The following PEX7 variants were observed in gnomAD, a reference collection of about 807,000 sequenced individuals.
PEX7 encodes PTS2 receptor.
In PEX7, 34 loss-of-function variants were observed where a neutral mutation model predicts 47.5. The observed-to-expected ratio is 0.72, with a 90% CI of 0.54 to 0.95. PEX7 has a LOEUF of 0.95. Among genes scored for constraint, PEX7 ranks in the 40% least tolerant of loss-of-function variants. The pLI is 0.00. For synonymous variants in PEX7, 141 were observed against 148.8 expected, an observed-to-expected ratio of 0.95 and a Z score of 0.38; for missense variants, 394 against 400.3, an observed-to-expected ratio of 0.98 and a Z score of 0.13.
At chr6:136,905,674 G>A (rs917833569) in intron 9 of PEX7, among the ~76,000 whole-genome samples, 2 of 152,000 alleles carry the variant, frequency 1.3e-5, no homozygotes, top group Non-Finnish European at 2.9e-5. Flanking sequence ...CCCTCCAAAA[G>A]TAGATGTTCT....
chr6:136,848,494 A>G (rs1026406202), intron 5 of PEX7, among the ~76,000 whole-genome samples: 2 of 152,122 alleles, frequency 1.3e-5, no homozygotes, highest in Non-Finnish European at 2.9e-5. Flanking sequence ...GTTTGTCATA[A>G]ATAGCTCTTA....
rs1554328341 is a variant in PEX7, at chr6:136,822,842, G to GGGGACC, written c.130+50_130+51insACCGGG. The GGGGACC allele has an allele frequency of 6.1e-5, 75 of 1,231,620 alleles. No individual in the cohort carries two copies. In the Middle Eastern group the frequency reaches 9.5e-4, roughly 16 times the overall value. 76.3% of individuals were successfully genotyped at this position (1,231,620 alleles called of 1,614,324 possible). A position where few individuals can be genotyped will look rare whatever the true frequency, so the allele number is the denominator to read the frequency against. The stretch of plus-strand genomic sequence containing the variant: ...GGGGCCGGGGGGCGGAGGCGGAGGC[G>GGGGACC]GGGGCCAGCCGGGCTCCAGTTCCTC... On this transcript the variant is annotated intron_variant, in intron 1 of 9. Coordinates refer to ENST00000318471, the MANE Select transcript of PEX7 (RefSeq NM_000288.4).
At chr6:136,853,363 A>G (rs1311234732) in intron 5 of PEX7, among the ~76,000 whole-genome samples, 1 of 152,200 alleles carries the variant, frequency 6.6e-6, no homozygotes, top group Non-Finnish European at 1.5e-5. Flanking sequence ...TGTTTAGTAG[A>G]GAACAGAAGA....
rs527546140 is a variant in PEX7, at chr6:136,847,621, T to C, written c.526+1440T>C. Among the ~76,000 whole-genome samples the C allele has an allele frequency of 2.2e-3, 337 of 150,852 alleles. 1 individual carries two copies. The highest frequency in any genetic ancestry group is 6.9e-3 in the Admixed American group (105 of 15,112). ...TAGGGAATCCTTTCCCCATTGCTTG[T>C]TTTTCTCAGGTTTGTCAAAGATCAG... On this transcript the variant is annotated intron_variant, in intron 5 of 9. Transcript: ENST00000318471.
At chr6:136,861,944 C>A (rs955119874) in intron 5 of PEX7, among the ~76,000 whole-genome samples, 2 of 143,112 alleles carry the variant, frequency 1.4e-5, no homozygotes, top group Non-Finnish European at 3.1e-5. Context: ...CGTCACCCTG[C>A]ATTATACACT....
At chr6:136,910,880 A>G (rs1775922246) in intron 9 of PEX7, among the ~76,000 whole-genome samples, 1 of 152,204 alleles carries the variant, frequency 6.6e-6, no homozygotes, top group African/African-American at 2.4e-5. Context: ...ACAAAGTAAC[A>G]GAATCAGATA....
chr6:136,852,183 G>C (rs1295955275), intron 5 of PEX7, among the ~76,000 whole-genome samples: 1 of 151,658 alleles, frequency 6.6e-6, no homozygotes, highest in African/African-American at 2.4e-5. Flanking sequence ...TTTGTATAAG[G>C]TGTAAGGAAG....
chr6:136,831,137 A>G (rs142472995), intron 3 of PEX7, among the ~76,000 whole-genome samples: 73 of 152,314 alleles, frequency 4.8e-4, no homozygotes, highest in African/African-American at 1.7e-3. Context: ...GTAATTTATA[A>G]AGGAAAGAGG....
chr6:136,855,875 A>G (rs1774853352), intron 5 of PEX7: 1 of 200,434 alleles, frequency 5.0e-6, no homozygotes, highest in Non-Finnish European at 1.0e-5. Flanking sequence ...GTATGACCAA[A>G]TATAAATCTG....
At chr6:136,843,792 A>G (rs955641634) in intron 3 of PEX7, among the ~76,000 whole-genome samples, 1 of 151,822 alleles carries the variant, frequency 6.6e-6, no homozygotes, top group African/African-American at 2.4e-5. Flanking sequence ...CTGTTGCTGG[A>G]TTGTGCTTCC....
At chr6:136,885,815 A>G (rs1775458735) in intron 8 of PEX7, among the ~76,000 whole-genome samples, 1 of 152,196 alleles carries the variant, frequency 6.6e-6, no homozygotes, top group African/African-American at 2.4e-5. Flanking sequence ...CCCAGGTAAC[A>G]TAGTAGGACC....
At position 136,846,192 on chromosome 6, in the gene PEX7, C is replaced by T. The variant is rs1562735004; in HGVS notation, c.526+11C>T. 1 of 1,531,694 alleles carries T rather than the reference C, an allele frequency of 6.5e-7. No homozygotes were observed. The highest frequency in any genetic ancestry group is 1.7e-5 in the Admixed American group (1 of 59,746). The allele number at this position is 1,531,694 out of a possible 1,614,324, so 94.9% of individuals were successfully genotyped here. On this transcript the variant is annotated intron_variant, in intron 5 of 9. Coordinates refer to ENST00000318471, the MANE Select transcript of PEX7 (RefSeq NM_000288.4). ...TTGCTTCAGCCTCAGGTAAATTATTCTGTATTTACCAAAAGCCTTACTTGT... is the reference window on the plus strand; with the variant it reads ...TTGCTTCAGCCTCAGGTAAATTATTTTGTATTTACCAAAAGCCTTACTTGT...
chr6:136,831,802 T>C (rs753479099), intron 3 of PEX7, among the ~76,000 whole-genome samples: 4 of 152,264 alleles, frequency 2.6e-5, no homozygotes, highest in Non-Finnish European at 5.9e-5. Context: ...TGACTCCATA[T>C]CTCACATCCA....
intron 5 of PEX7, among the ~76,000 whole-genome samples, chr6:136,864,708 A>G (rs1433020271): frequency 1.3e-5 from 2 of 152,222 alleles, no homozygotes; most frequent in African/African-American, 4.8e-5. Context: ...AAAATTTAGC[A>G]TTTTTATATA....
chr6:136,905,250 G>A (rs533804211), intron 9 of PEX7, among the ~76,000 whole-genome samples: 5 of 151,980 alleles, frequency 3.3e-5, no homozygotes, highest in Non-Finnish European at 7.4e-5. Context: ...TTTTCTTGCT[G>A]GTTTCCTCAT....
intron 5 of PEX7, among the ~76,000 whole-genome samples, chr6:136,861,524 T>C (rs1024075879): frequency 2.0e-5 from 3 of 152,176 alleles, no homozygotes; most frequent in African/African-American, 7.2e-5. Context: ...AAAGTTAGTA[T>C]ATATTATTTA....
At chr6:136,862,057 ATT>A (rs1491378601) in intron 5 of PEX7, among the ~76,000 whole-genome samples, 21 of 133,460 alleles carry the variant, frequency 1.6e-4, no homozygotes, top group African/African-American at 5.5e-4. Flanking sequence ...ATATATATAT[ATT>A]ATATATATAT....
At chr6:136,880,707 C>T (rs532411983) in intron 8 of PEX7, among the ~76,000 whole-genome samples, 1 of 152,230 alleles carries the variant, frequency 6.6e-6, no homozygotes, top group African/African-American at 2.4e-5. Flanking sequence ...TGCCTAGACT[C>T]TCCTCTCTCC....
chr6:136,830,382 G>C (rs1409244351), intron 3 of PEX7: 8 of 211,824 alleles, frequency 3.8e-5, no homozygotes, highest in Admixed American at 5.8e-5. Context: ...GTTGTCAGAT[G>C]AAGCAAAAAA....
Sources: allele counts gnomAD v4.1 joint callset (sites outside exome capture counted in the v4.1 genomes callset), GRCh38; gene constraint gnomAD v4.1.1; transcripts MANE v1.5; gene names NCBI Gene and HGNC (gene_info 2026-07-23, HGNC 2026-07-21).